Variants in KAT6A observed in about 807,000 individuals in gnomAD.
The protein encoded by KAT6A is histone acetyltransferase KAT6A.
In KAT6A, 9 loss-of-function variants were observed where a neutral mutation model predicts 198.4. That is an observed-to-expected ratio of 0.05 (90% CI 0.03 to 0.08). KAT6A has a LOEUF of 0.08. KAT6A is among the 10% of genes least tolerant of loss of function. KAT6A has a pLI of 1.00. For missense variants in KAT6A, 2,077 were observed against 2,509.9 expected (o/e 0.83, Z 3.69); for synonymous variants, 890 against 883.0 (o/e 1.01, Z -0.14).
At chr8:42,020,669 T>A (rs1826487208) in intron 2 of KAT6A, among the ~76,000 whole-genome samples, 1 of 152,194 alleles carries the variant, frequency 6.6e-6, no homozygotes. Context: ...GATGGGTTAG[T>A]GCTACAGAAA....
chr8:41,951,401 G>A (rs1822662399), intron 9 of KAT6A, among the ~76,000 whole-genome samples: 1 of 152,008 alleles, frequency 6.6e-6, no homozygotes, highest in Admixed American at 6.6e-5. Context: ...ATAAACAACT[G>A]CTGTTCTCTC....
intron 2 of KAT6A, among the ~76,000 whole-genome samples, chr8:42,023,623 G>A (rs1826655761): frequency 6.6e-6 from 1 of 151,726 alleles, no homozygotes; most frequent in Non-Finnish European, 1.5e-5. Context: ...AAGTAGCTGG[G>A]ACTATAGGCG....
rs1802466373 is a variant in KAT6A, at chr8:42,049,090, T to C, written c.-113A>G. Reference sequence around the variant, plus strand: ...GGCTGGGAACCAGTTAACCATAGCATATGAGTTTTCTGGCCTAAGTCCTTC... The same window carrying C: ...GGCTGGGAACCAGTTAACCATAGCACATGAGTTTTCTGGCCTAAGTCCTTC... On this transcript the variant is annotated 5_prime_UTR_variant, in exon 2 of 17. It adds an upstream start codon to the 5' untranslated region. Coordinates refer to ENST00000265713, the MANE Select transcript of KAT6A (RefSeq NM_006766.5). 1 of 1,175,998 alleles carries C rather than the reference T, an allele frequency of 8.5e-7. No individual in the cohort carries two copies. Among genetic ancestry groups the C allele is most frequent in the Admixed American group, 2.3e-5 (1 of 43,694 alleles). The allele number at this position is 1,175,998 out of a possible 1,614,324, so 72.8% of individuals were successfully genotyped here. A position where few individuals can be genotyped will look rare whatever the true frequency, so the allele number is the denominator to read the frequency against.
chr8:41,982,459 A>C (rs1420484981), intron 3 of KAT6A, among the ~76,000 whole-genome samples: 1 of 152,226 alleles, frequency 6.6e-6, no homozygotes, highest in Admixed American at 6.5e-5. Flanking sequence ...AATTTAAAAA[A>C]TACAGTTAGT....
At chr8:42,019,044 C>T (rs961502875) in intron 2 of KAT6A, among the ~76,000 whole-genome samples, 2 of 152,108 alleles carry the variant, frequency 1.3e-5, no homozygotes, top group African/African-American at 4.8e-5. Flanking sequence ...TCTGGTTAAT[C>T]AATGAATGTT....
At chr8:42,017,926 T>C (rs1826352691) in intron 2 of KAT6A, among the ~76,000 whole-genome samples, 1 of 152,180 alleles carries the variant, frequency 6.6e-6, no homozygotes, top group East Asian at 1.9e-4. Flanking sequence ...CTATCATGTG[T>C]CACCACTTAT....
At chr8:42,050,121 T>C (rs193188568) in intron 1 of KAT6A, among the ~76,000 whole-genome samples, 1 of 152,242 alleles carries the variant, frequency 6.6e-6, no homozygotes, top group East Asian at 1.9e-4. Flanking sequence ...TCAACGCACA[T>C]ACTACATATC....
intron 8 of KAT6A, among the ~76,000 whole-genome samples, chr8:41,959,849 G>A (rs1357082650): frequency 1.3e-5 from 2 of 151,982 alleles, no homozygotes; most frequent in African/African-American, 4.8e-5. Flanking sequence ...CCAGCTACTC[G>A]GGAGGCTGAG....
chr8:41,932,395 T>C lies in KAT6A; in HGVS notation c.5825A>G (p.Tyr1942Cys), dbSNP rs1477548021. The C allele has an allele frequency of 6.2e-7, 1 of 1,614,246 alleles. No homozygotes were observed. The highest frequency in any genetic ancestry group is 1.1e-5 in the South Asian group (1 of 91,090). ...AGGATACTGTGCTGTCTGGTTCATGTAGGCAGGGTTACTATGGTAACTGCT... is the reference window on the plus strand; with the variant it reads ...AGGATACTGTGCTGTCTGGTTCATGCAGGCAGGGTTACTATGGTAACTGCT... Reference protein sequence around the residue: ...MNSSYHSNPAYMNQTAQYPMQ... With the variant: ...MNSSYHSNPACMNQTAQYPMQ... Residue 1942 changes from tyrosine (Y) to cysteine (C), a missense_variant, in exon 17 of 17, where the codon TAC becomes TGC. Physicochemically the swap from Tyr to Cys is radical, Grantham distance 194 (BLOSUM62 -2). Coordinates refer to ENST00000265713, the MANE Select transcript of KAT6A (RefSeq NM_006766.5).
intron 2 of KAT6A, among the ~76,000 whole-genome samples, chr8:41,999,043 A>G (rs1825361665): frequency 6.6e-6 from 1 of 152,196 alleles, no homozygotes; most frequent in African/African-American, 2.4e-5. Context: ...CAATAAGATT[A>G]CTGGTGAAAG....
At chr8:42,040,087 T>G (rs571345778) in intron 2 of KAT6A, among the ~76,000 whole-genome samples, 1 of 151,884 alleles carries the variant, frequency 6.6e-6, no homozygotes, top group Non-Finnish European at 1.5e-5. Context: ...ACCTATTATA[T>G]AAATATATTA....
At chr8:42,031,335 TC>T (rs1236272187) in intron 2 of KAT6A, among the ~76,000 whole-genome samples, 3 of 152,184 alleles carry the variant, frequency 2.0e-5, no homozygotes, top group East Asian at 3.8e-4. Context: ...ATGGTACTTT[TC>T]AGCTGAGGTA....
chr8:42,043,233 A>G (rs574614599), intron 2 of KAT6A, among the ~76,000 whole-genome samples: 1 of 152,378 alleles, frequency 6.6e-6, no homozygotes, highest in Admixed American at 6.5e-5. Flanking sequence ...TAAATGGAAC[A>G]AATTACCTTA....
chr8:41,957,527 G>T, intron 8 of KAT6A: 1 of 301,960 alleles, frequency 3.3e-6, no homozygotes, highest in South Asian at 2.8e-5. Context: ...CAAAGCAGCA[G>T]GTGTCTAATA....
chr8:42,025,240 T>C (rs1826748506), intron 2 of KAT6A, among the ~76,000 whole-genome samples: 1 of 152,014 alleles, frequency 6.6e-6, no homozygotes. Context: ...AGATGGAGTT[T>C]CCCTCTTGTT....
At chr8:41,951,183 A>AC (rs540777424) in intron 9 of KAT6A, among the ~76,000 whole-genome samples, 218 of 152,046 alleles carry the variant, frequency 1.4e-3, no homozygotes, top group African/African-American at 5.2e-3. Flanking sequence ...AAAAAAAAAA[A>AC]CAAAACTTTA....
intron 14 of KAT6A, 22 bp from the exon 15 acceptor site, chr8:41,941,466 A>G (rs1254626422): frequency 1.3e-6 from 2 of 1,556,838 alleles, no homozygotes; most frequent in African/African-American, 1.4e-5. Flanking sequence ...AAATAAAACA[A>G]TGCTGGTTAA....
At chr8:42,009,690 G>A (rs1254308549) in intron 2 of KAT6A, among the ~76,000 whole-genome samples, 1 of 151,672 alleles carries the variant, frequency 6.6e-6, no homozygotes, top group Non-Finnish European at 1.5e-5. Context: ...CTTGAGCCCA[G>A]GAGTTCAAGA....
At chr8:41,971,607 A>G (rs1823798709) in intron 8 of KAT6A, among the ~76,000 whole-genome samples, 1 of 83,742 alleles carries the variant, frequency 1.2e-5, no homozygotes, top group Admixed American at 1.1e-4. Flanking sequence ...GAGAGAACAG[A>G]CTCTTTTTTT....
Sources: allele counts gnomAD v4.1 joint callset (sites outside exome capture counted in the v4.1 genomes callset), GRCh38; gene constraint gnomAD v4.1.1; transcripts MANE v1.5; gene names NCBI Gene and HGNC (gene_info 2026-07-23, HGNC 2026-07-21).